Variants in TKFC observed in about 807,000 individuals in gnomAD.
TKFC encodes triokinase and FMN cyclase.
In TKFC, 46 loss-of-function variants were observed where a neutral mutation model predicts 61.0. That is an observed-to-expected ratio of 0.75 (90% CI 0.60 to 0.96). The LOEUF (loss-of-function observed/expected upper bound fraction) is 0.96, where lower values mean the gene tolerates loss of function less well. TKFC is among the 50% of genes least tolerant of loss of function. The pLI, the probability that TKFC is intolerant of heterozygous loss-of-function variation, is 0.00. For synonymous variants in TKFC, 314 were observed against 330.1 expected, an observed-to-expected ratio of 0.95 and a Z score of 0.53; for missense variants, 715 against 777.5, an observed-to-expected ratio of 0.92 and a Z score of 0.96.
At chr11:61,342,905 T>TG in intron 10 of TKFC, 61 bp downstream of exon 10, 1 of 1,537,852 alleles carries the variant, frequency 6.5e-7, no homozygotes, top group Non-Finnish European at 9.0e-7. Flanking sequence ...GGGAGGGTCT[T>TG]GTGATGGCAG....
chr11:61,342,189 T>G, intron 7 of TKFC: 1 of 612,468 alleles, frequency 1.6e-6, no homozygotes, highest in Non-Finnish European at 2.9e-6. Flanking sequence ...GAATACACCC[T>G]TCTTTCAACG....
rs1292328208 is a variant in TKFC at position 61,348,082 on chromosome 11, G to A, written c.*1579G>A. 1.9e-5 allele frequency: 19 copies of A among 985,248 alleles called. No individual in the cohort carries two copies. The highest frequency in any genetic ancestry group is 1.8e-5 in the Non-Finnish European group (15 of 829,932). The allele number at this position is 985,248 out of a possible 1,614,324, so 61.0% of individuals were successfully genotyped here. On this transcript the variant is annotated 3_prime_UTR_variant, in exon 18 of 18. Transcript: ENST00000394900. The stretch of plus-strand genomic sequence containing the variant: ...GTCCTGTCTGTCGGCTGCACCATAC[G>A]TCCCTGACCACAAGGCATCCACGTG...
Position 61,347,220 on chromosome 11 carries a change from C to T in TKFC, c.*717C>T. 1.0e-6 allele frequency: 1 copy of T among 985,440 alleles called. No individual in the cohort carries two copies. The allele number at this position is 985,440 out of a possible 1,614,324, so 61.0% of individuals were successfully genotyped here. A position where few individuals can be genotyped will look rare whatever the true frequency, so the allele number is the denominator to read the frequency against. ...GGACACCAGAAGGAAAAGAAATCAT[C>T]ATAGTCTAAGGTTCAGTTGTAGATC... On this transcript the variant is annotated 3_prime_UTR_variant, in exon 18 of 18. Transcript: ENST00000394900.
At chr11:61,342,690 C>T in intron 9 of TKFC, 32 bp downstream of exon 9, 1 of 1,613,824 alleles carries the variant, frequency 6.2e-7, no homozygotes, top group Non-Finnish European at 8.5e-7. Flanking sequence ...TCTCCCAACC[C>T]CTCCTAAACC....
In TKFC at chr11:61,346,803, C is replaced by T; in HGVS notation, c.*300C>T. 3 of 1,152,392 alleles carry T rather than the reference C, an allele frequency of 2.6e-6. No homozygotes were observed. The highest frequency in any genetic ancestry group is 3.2e-6 in the Non-Finnish European group (3 of 936,130). 71.4% of individuals were successfully genotyped at this position (1,152,392 alleles called of 1,614,324 possible). On this transcript the variant is annotated 3_prime_UTR_variant, in exon 18 of 18. Coordinates refer to ENST00000394900, the MANE Select transcript of TKFC (RefSeq NM_015533.4). This position sits in a 1 kb window ranked among gnomAD's most constrained non-coding sequence, Gnocchi z 4.1. ...TCAGAGATAAGGCATTTTCCTTGTG[C>T]AGCCTTTACCTGGCAATCCTAATTT...
downstream of TKFC, chr11:61,351,717 A>T (rs1363506389): frequency 2.6e-5 from 4 of 152,144 alleles, no homozygotes; most frequent in Non-Finnish European, 4.4e-5. Context: ...GGAGTTGGAG[A>T]CTAGCCTGTG....
In TKFC at chr11:61,344,262, G is replaced by A. The variant is rs1313783484; in HGVS notation, c.1229G>A (p.Arg410His). The stretch of plus-strand genomic sequence containing the variant: ...GGCGACTGTGGCACCACCCACAGCC[G>A]TGCGGCCAGAGGTTGGTGCCAGGGA... ...GDGDCGTTHS[R>H]AARAIQEWLK... The change falls in exon 13 of 18, where the codon CGT (arginine) becomes CAT (histidine). Residue 410 changes from arginine (R) to histidine (H), a missense_variant. Arg to His is a conservative substitution (Grantham distance 29). Transcript: ENST00000394900. The A allele has an allele frequency of 6.8e-6, 11 of 1,612,746 alleles. No homozygotes were observed. Among genetic ancestry groups the A allele is most frequent in the Non-Finnish European group, 8.5e-6 (10 of 1,179,876 alleles).
chr11:61,352,102 C>CT (rs1474615455), downstream of TKFC: 1 of 152,200 alleles, frequency 6.6e-6, no homozygotes, highest in Non-Finnish European at 1.5e-5. Flanking sequence ...AGTTGCATAA[C>CT]TAGTAAATGG....
intron 5 of TKFC, 121 bp from the exon 6 acceptor site, chr11:61,341,315 T>A: frequency 1.9e-6 from 2 of 1,063,166 alleles, no homozygotes; most frequent in Non-Finnish European, 2.8e-6. Context: ...TGGGCCAGGT[T>A]GAGTGTGAAA....
chr11:61,342,399 T>C, intron 7 of TKFC, 62 bp from the exon 8 acceptor site: 1 of 1,610,788 alleles, frequency 6.2e-7, no homozygotes, highest in African/African-American at 1.3e-5. Flanking sequence ...GAGTCCTTGA[T>C]AAAAACGATG....
chr11:61,345,094 G>A (rs544469563), intron 13 of TKFC, among the ~76,000 whole-genome samples, 166 bp from the exon 14 acceptor site: 12 of 152,294 alleles, frequency 7.9e-5, no homozygotes, highest in African/African-American at 1.2e-4. Flanking sequence ...TTTCGGTTAC[G>A]CAGCCCAGCC....
chr11:61,340,824 C>T (rs1042423719), intron 5 of TKFC, among the ~76,000 whole-genome samples: 2 of 152,166 alleles, frequency 1.3e-5, no homozygotes, highest in African/African-American at 4.8e-5. Context: ...TCTGATGTCT[C>T]CCCACCTGGA....
At chr11:61,342,007 C>T (rs949838733) in intron 7 of TKFC, 95 bp downstream of exon 7, 2 of 1,208,310 alleles carry the variant, frequency 1.7e-6, no homozygotes, top group African/African-American at 1.5e-5. Context: ...CTGGTCCTCT[C>T]CCCAGGTGGT....
At chr11:61,341,379 C>G in intron 5 of TKFC, 57 bp from the exon 6 acceptor site, 1 of 1,535,744 alleles carries the variant, frequency 6.5e-7, no homozygotes. Flanking sequence ...TGTCTTCTAC[C>G]CCACATGGTA....
rs1017910903 is a variant in TKFC, at chr11:61,337,056, T to C, written c.4-885T>C. On this transcript the variant is annotated intron_variant, in intron 2 of 17. Coordinates refer to ENST00000394900, the MANE Select transcript of TKFC (RefSeq NM_015533.4). ...CTGCGGCCCCTCCTCTATGCTCCCA[T>C]GGTGCACGTGCGCTCCTCGTGTAGC... 2.0e-4 allele frequency among the ~76,000 whole-genome samples: 31 copies of C among 152,200 alleles called. 1 individual carries two copies. Among genetic ancestry groups the C allele is most frequent in the Non-Finnish European group, 7.3e-5 (5 of 68,034 alleles).
In TKFC at chr11:61,346,694, G is replaced by A; in HGVS notation, c.*191G>A. 7.2e-7 allele frequency: 1 copy of A among 1,390,716 alleles called. No individual in the cohort carries two copies. Among genetic ancestry groups the A allele is most frequent in the South Asian group, 1.7e-5 (1 of 58,472 alleles). 86.1% of individuals were successfully genotyped at this position (1,390,716 alleles called of 1,614,324 possible). On this transcript the variant is annotated 3_prime_UTR_variant, in exon 18 of 18. Coordinates refer to ENST00000394900, the MANE Select transcript of TKFC (RefSeq NM_015533.4). This position sits in a 1 kb window ranked among gnomAD's most constrained non-coding sequence, Gnocchi z 4.1. ...CAGCACCCAGAGTGAGCTGGAGTGG[G>A]TCCCCATGCCTCTCCAGCATGCCCT...
chr11:61,344,957 C>A (rs1207418177), intron 13 of TKFC, among the ~76,000 whole-genome samples: 1 of 152,164 alleles, frequency 6.6e-6, no homozygotes, highest in Admixed American at 6.5e-5. Flanking sequence ...AGACAGTCAA[C>A]CAGATAAATC....
chr11:61,337,978 C>T lies in TKFC; in HGVS notation c.41C>T (p.Ala14Val), dbSNP rs764304721. 5.0e-6 allele frequency: 8 copies of T among 1,610,582 alleles called. No homozygotes were observed. The highest frequency in any genetic ancestry group is 6.8e-6 in the Non-Finnish European group (8 of 1,178,854). Residue 14 changes from alanine to valine, a missense_variant, in exon 3 of 18, where the codon GCT becomes GTT. Physicochemically the swap from Ala to Val is moderately conservative, Grantham distance 64 (BLOSUM62 0). Coordinates refer to ENST00000394900, the MANE Select transcript of TKFC (RefSeq NM_015533.4). ...KKLVNSVAGC[A>V]DDALAGLVAC... ...CTGGTGAACTCGGTGGCTGGCTGTG[C>T]TGATGACGCTCTTGCTGGCCTGGTG...
At chr11:61,335,896 G>A (rs1856586631) in intron 2 of TKFC, 1 of 152,168 alleles carries the variant, frequency 6.6e-6, no homozygotes, top group Non-Finnish European at 1.5e-5. Flanking sequence ...CCAGGTTCAA[G>A]CAATTCTCCT....
Sources: allele counts gnomAD v4.1 joint callset (sites outside exome capture counted in the v4.1 genomes callset), GRCh38; gene constraint gnomAD v4.1.1; non-coding constraint Gnocchi (gnomAD v3.1); transcripts MANE v1.5; gene names NCBI Gene and HGNC (gene_info 2026-07-23, HGNC 2026-07-21).